The following ZRANB3 variants were observed in gnomAD, a reference collection of about 807,000 sequenced individuals.
ZRANB3 encodes the protein zinc finger RANBP2-type containing 3, also known as DNA annealing helicase and endonuclease ZRANB3.
ZRANB3 carries 125 observed loss-of-function variants against 133.8 expected under a neutral mutation model. That is an observed-to-expected ratio of 0.93 (90% CI 0.81 to 1.08). The LOEUF (loss-of-function observed/expected upper bound fraction) is 1.08, where lower values mean the gene tolerates loss of function less well. Ranked by LOEUF, ZRANB3 falls within the 50% of genes least tolerant of loss-of-function variation. The pLI is 0.00. For synonymous variants in ZRANB3, 387 were observed against 432.7 expected (o/e 0.89, Z 1.31); for missense variants, 1,229 against 1,275.5 (o/e 0.96, Z 0.56).
At chr2:135,442,592 TTGG>T (rs757583917) in intron 2 of ZRANB3, among the ~76,000 whole-genome samples, 1 of 152,180 alleles carries the variant, frequency 6.6e-6, no homozygotes. Context: ...TTTTACACTG[TTGG>T]TGGGAGTGTA....
chr2:135,333,422 T>C (rs1684239477), intron 6 of ZRANB3, among the ~76,000 whole-genome samples: 1 of 152,164 alleles, frequency 6.6e-6, no homozygotes, highest in Non-Finnish European at 1.5e-5. Context: ...AACAATGAAT[T>C]TGCCTGAATA....
At chr2:135,282,858 G>A (rs1681159953) in intron 8 of ZRANB3, among the ~76,000 whole-genome samples, 2 of 152,140 alleles carry the variant, frequency 1.3e-5, no homozygotes, top group African/African-American at 4.8e-5. Context: ...GGATACATGA[G>A]AACATTCCTG....
intron 5 of ZRANB3, among the ~76,000 whole-genome samples, chr2:135,349,368 C>T (rs1685088149): frequency 6.6e-6 from 1 of 152,210 alleles, no homozygotes. Flanking sequence ...CCTCCTTAAA[C>T]AACACTAAAC....
At chr2:135,286,208 T>C (rs751827097) in intron 8 of ZRANB3, among the ~76,000 whole-genome samples, 1 of 151,572 alleles carries the variant, frequency 6.6e-6, no homozygotes, top group Non-Finnish European at 1.5e-5. Context: ...GTGTAGTCTT[T>C]TATCCCTTAC....
chr2:135,313,768 G>C (rs564602297), intron 7 of ZRANB3, among the ~76,000 whole-genome samples, 163 bp from the exon 8 acceptor site: 1 of 152,324 alleles, frequency 6.6e-6, no homozygotes, highest in Non-Finnish European at 1.5e-5. Context: ...CATCAATGCA[G>C]AGGTAGGTCA....
intron 1 of ZRANB3, among the ~76,000 whole-genome samples, chr2:135,504,736 A>G (rs1455728279): frequency 6.6e-6 from 1 of 152,178 alleles, no homozygotes; most frequent in Non-Finnish European, 1.5e-5. Context: ...TTTGAGCCAT[A>G]ATACCATATA....
At chr2:135,336,163 C>T (rs955664052) in intron 6 of ZRANB3, among the ~76,000 whole-genome samples, 1 of 152,224 alleles carries the variant, frequency 6.6e-6, no homozygotes, top group Non-Finnish European at 1.5e-5. Flanking sequence ...AATACTTCTG[C>T]TGTCTGTCTC....
intron 2 of ZRANB3, among the ~76,000 whole-genome samples, chr2:135,481,653 C>T (rs1024418428): frequency 6.7e-6 from 1 of 149,936 alleles, no homozygotes; most frequent in East Asian, 2.0e-4. Flanking sequence ...GCTTTTGTTG[C>T]CATTGCTTTT....
intron 12 of ZRANB3, among the ~76,000 whole-genome samples, chr2:135,231,928 G>A (rs1412277245): frequency 6.6e-6 from 1 of 152,232 alleles, no homozygotes; most frequent in Non-Finnish European, 1.5e-5. Flanking sequence ...TCACTGGGGA[G>A]TGTCAGACAG....
At position 135,485,185 on chromosome 2, in the gene ZRANB3, A is replaced by AAACATAACATAACAT. The variant is rs1223723608; in HGVS notation, c.161+19129_161+19143dup. On this transcript the variant is annotated intron_variant, in intron 2 of 20. Transcript: ENST00000264159. ...AAACAAAACAAAACAAAACAAAACA[A>AAACATAACATAACAT]AACATAACATAACATAACATAACAT... 3.4e-4 allele frequency among the ~76,000 whole-genome samples: 41 copies of AAACATAACATAACAT among 121,700 alleles called. No individual in the cohort carries two copies. The South Asian group carries it at 9.0e-3, about 27-fold the overall frequency. The allele number at this position is 121,700 out of a possible 152,430, so 79.8% of individuals were successfully genotyped here. A position where few individuals can be genotyped will look rare whatever the true frequency, so the allele number is the denominator to read the frequency against.
intron 6 of ZRANB3, among the ~76,000 whole-genome samples, chr2:135,335,800 C>A (rs966398626): frequency 5.3e-5 from 8 of 152,108 alleles, no homozygotes; most frequent in Non-Finnish European, 1.0e-4. Context: ...CTGCTGGTAA[C>A]AGGATGCTTG....
At chr2:135,352,332 C>CA (rs1185558433) in intron 4 of ZRANB3, among the ~76,000 whole-genome samples, 161 of 108,388 alleles carry the variant, frequency 1.5e-3, no homozygotes, top group Admixed American at 4.1e-3. Flanking sequence ...ACTCCGTCTC[C>CA]AAAAAAAAAA....
intron 2 of ZRANB3, among the ~76,000 whole-genome samples, chr2:135,492,525 T>G (rs1164308904): frequency 6.6e-6 from 1 of 152,198 alleles, no homozygotes; most frequent in African/African-American, 2.4e-5. Context: ...CTCCCAGTAC[T>G]ATGGTGTTTT....
intron 11 of ZRANB3, among the ~76,000 whole-genome samples, chr2:135,266,563 G>A (rs1231585132): frequency 8.6e-5 from 13 of 151,968 alleles, no homozygotes; most frequent in African/African-American, 2.4e-4. Flanking sequence ...TCAGGAGTTC[G>A]AGACCAGCCT....
chr2:135,310,908 G>A (rs1682936283), intron 8 of ZRANB3, among the ~76,000 whole-genome samples: 1 of 151,232 alleles, frequency 6.6e-6, no homozygotes, highest in Non-Finnish European at 1.5e-5. Flanking sequence ...GAAAATATAA[G>A]AGGGTATCTT....
intron 2 of ZRANB3, among the ~76,000 whole-genome samples, chr2:135,458,205 G>A (rs1353746683): frequency 2.0e-5 from 3 of 152,086 alleles, no homozygotes; most frequent in Non-Finnish European, 4.4e-5. Context: ...GACCATAAAT[G>A]TATGCTTTTA....
chr2:135,385,753 T>C (rs1184564095), intron 3 of ZRANB3, among the ~76,000 whole-genome samples: 2 of 152,202 alleles, frequency 1.3e-5, no homozygotes, highest in Non-Finnish European at 2.9e-5. Context: ...ATTACCTGTT[T>C]AATAAATGGT....
intron 2 of ZRANB3, among the ~76,000 whole-genome samples, chr2:135,424,710 G>A (rs369478863): frequency 2.0e-5 from 3 of 152,214 alleles, no homozygotes; most frequent in Non-Finnish European, 2.9e-5. Flanking sequence ...TCCAGCCTGG[G>A]TGACAGTGCA....
At chr2:135,260,195 G>C (rs1217155646) in intron 12 of ZRANB3, among the ~76,000 whole-genome samples, 1 of 152,160 alleles carries the variant, frequency 6.6e-6, no homozygotes, top group African/African-American at 2.4e-5. Context: ...CTCAATGGAA[G>C]CCACTGTAGA....
Sources: allele counts gnomAD v4.1 joint callset (sites outside exome capture counted in the v4.1 genomes callset), GRCh38; gene constraint gnomAD v4.1.1; transcripts MANE v1.5; gene names NCBI Gene and HGNC (gene_info 2026-07-23, HGNC 2026-07-21).